Variants in FAR2 observed in about 807,000 individuals in gnomAD.
FAR2 encodes epididymis secretory protein Li 81.
Under a neutral mutation model 56.0 loss-of-function variants are expected in FAR2, and 19 were observed. The ratio of observed to expected loss-of-function variants is 0.34; its 90% CI spans 0.24 to 0.50. The LOEUF (loss-of-function observed/expected upper bound fraction) is 0.50, where lower values mean the gene tolerates loss of function less well. Among genes scored for constraint, FAR2 ranks in the 20% least tolerant of loss-of-function variants. The pLI is 0.98. For missense variants in FAR2, 508 were observed against 642.2 expected (o/e 0.79, Z 2.26); for synonymous variants, 219 against 218.8 (o/e 1.00, Z -0.01).
chr12:29,294,280 T>C (rs1591938146), intron 3 of FAR2, among the ~76,000 whole-genome samples: 1 of 152,340 alleles, frequency 6.6e-6, no homozygotes, highest in Admixed American at 6.5e-5. Flanking sequence ...TGATGTTCTT[T>C]GCCTATTTTT....
At chr12:29,151,856 A>C (rs1949683642) in intron 1 of FAR2, 1 of 152,192 alleles carries the variant, frequency 6.6e-6, no homozygotes, top group South Asian at 2.1e-4. Flanking sequence ...AAGTAAAAAG[A>C]GGTAATAATT....
chr12:29,230,907 T>C (rs2136651264), intron 1 of FAR2, among the ~76,000 whole-genome samples: 1 of 152,308 alleles, frequency 6.6e-6, no homozygotes, highest in Non-Finnish European at 1.5e-5. Context: ...ATATCCCAAG[T>C]ACTGTGGTGG....
intron 1 of FAR2, among the ~76,000 whole-genome samples, chr12:29,165,752 T>G (rs1248739664): frequency 1.3e-5 from 2 of 152,230 alleles, no homozygotes; most frequent in African/African-American, 4.8e-5. Context: ...GGTAAACATT[T>G]GGAGCCTTGA....
At chr12:29,329,181 T>C (rs2136826793) in intron 10 of FAR2, among the ~76,000 whole-genome samples, 1 of 152,326 alleles carries the variant, frequency 6.6e-6, no homozygotes, top group East Asian at 1.9e-4. Flanking sequence ...TTCTTCAAAC[T>C]AGTGTTTGAA....
At chr12:29,307,575 T>C (rs916473644) in intron 4 of FAR2, 83 bp from the exon 5 acceptor site, 1 of 1,375,760 alleles carries the variant, frequency 7.3e-7, no homozygotes, top group South Asian at 1.4e-5. Context: ...AAGGTGGAAG[T>C]TTTGTTTGAT....
At chr12:29,210,931 A>C (rs2136628292) in intron 1 of FAR2, among the ~76,000 whole-genome samples, 1 of 105,550 alleles carries the variant, frequency 9.5e-6, no homozygotes, top group East Asian at 2.7e-4. Context: ...ACAGAGTGAG[A>C]CTCCGTCTTA....
At chr12:29,159,637 G>T (rs938170204) in intron 1 of FAR2, among the ~76,000 whole-genome samples, 1 of 152,010 alleles carries the variant, frequency 6.6e-6, no homozygotes. Context: ...ATTCACCACC[G>T]CAAGGCTTGG....
chr12:29,216,228 G>A (rs1292101453), intron 1 of FAR2, among the ~76,000 whole-genome samples: 1 of 152,164 alleles, frequency 6.6e-6, no homozygotes, highest in Non-Finnish European at 1.5e-5. Context: ...ATTTTCTTCA[G>A]GGAAGCCTTT....
chr12:29,266,631 T>C (rs1948521035), intron 1 of FAR2, among the ~76,000 whole-genome samples: 1 of 152,044 alleles, frequency 6.6e-6, no homozygotes. Flanking sequence ...ATTTTAAAAA[T>C]AACTGAAAGA....
chr12:29,287,542 G>A (rs1302511094), intron 2 of FAR2, among the ~76,000 whole-genome samples: 1 of 152,048 alleles, frequency 6.6e-6, no homozygotes, highest in East Asian at 1.9e-4. Flanking sequence ...AAAAATTACA[G>A]TGTCTCTTTC....
At chr12:29,284,219 G>A (rs1182839689) in intron 2 of FAR2, among the ~76,000 whole-genome samples, 1 of 152,206 alleles carries the variant, frequency 6.6e-6, no homozygotes, top group Admixed American at 6.5e-5. Flanking sequence ...ACTGAAAAAT[G>A]TATCATTGAG....
At chr12:29,303,870 A>G (rs1949215286) in intron 4 of FAR2, among the ~76,000 whole-genome samples, 1 of 152,216 alleles carries the variant, frequency 6.6e-6, no homozygotes, top group Non-Finnish European at 1.5e-5. Context: ...ATAAGATTAA[A>G]TTGTTTCTTA....
At chr12:29,312,122 G>A (rs1317081247) in intron 8 of FAR2, among the ~76,000 whole-genome samples, 172 bp downstream of exon 8, 1 of 152,130 alleles carries the variant, frequency 6.6e-6, no homozygotes, top group Non-Finnish European at 1.5e-5. Flanking sequence ...AATGTACTGT[G>A]GTTACCAAAG....
chr12:29,270,428 C>G lies in FAR2; in HGVS notation c.-22C>G, dbSNP rs1442739466. 2 of 1,513,742 alleles carry G rather than the reference C, an allele frequency of 1.3e-6. No individual in the cohort carries two copies. The highest frequency in any genetic ancestry group is 3.8e-5 in the Admixed American group (2 of 52,632). 93.8% of individuals were successfully genotyped at this position (1,513,742 alleles called of 1,614,324 possible). ...CCTTTTCAGGAACCTCTTTCAGGAG[C>G]TATAAAAGAAAGGGAGGAATCATGT... is the stretch of plus-strand genomic sequence containing the variant. On this transcript the variant is annotated 5_prime_UTR_variant, in exon 2 of 12. Coordinates refer to ENST00000536681, the MANE Select transcript of FAR2 (RefSeq NM_001271783.2).
chr12:29,210,228 A>C (rs1437392550), intron 1 of FAR2, among the ~76,000 whole-genome samples: 1 of 152,188 alleles, frequency 6.6e-6, no homozygotes, highest in African/African-American at 2.4e-5. Context: ...TTAAATATTT[A>C]TTAGTTAATT....
At chr12:29,165,250 G>T (rs1949814863) in intron 1 of FAR2, among the ~76,000 whole-genome samples, 1 of 152,060 alleles carries the variant, frequency 6.6e-6, no homozygotes, top group Admixed American at 6.5e-5. Flanking sequence ...TCTCTTGTTG[G>T]TGTCACCCTA....
intron 1 of FAR2, among the ~76,000 whole-genome samples, chr12:29,168,800 A>C (rs975554527): frequency 2.0e-5 from 3 of 152,224 alleles, no homozygotes; most frequent in Admixed American, 1.3e-4. Flanking sequence ...GCAAAAGAAC[A>C]AAACTTTCAC....
intron 10 of FAR2, among the ~76,000 whole-genome samples, chr12:29,327,187 A>T (rs1301940494): frequency 6.6e-6 from 1 of 152,240 alleles, no homozygotes; most frequent in Non-Finnish European, 1.5e-5. Context: ...CTAGGAATCC[A>T]ACTTACAAGG....
intron 1 of FAR2, among the ~76,000 whole-genome samples, chr12:29,230,049 T>G (rs1947831363): frequency 6.6e-6 from 1 of 151,294 alleles, no homozygotes; most frequent in Non-Finnish European, 1.5e-5. Flanking sequence ...ATGTTTTAGT[T>G]GAAGGAAAAA....
Sources: allele counts gnomAD v4.1 joint callset (sites outside exome capture counted in the v4.1 genomes callset), GRCh38; gene constraint gnomAD v4.1.1; transcripts MANE v1.5; gene names NCBI Gene and HGNC (gene_info 2026-07-23, HGNC 2026-07-21).